The following IDUA variants were observed in gnomAD, a reference collection of about 807,000 sequenced individuals.
The protein encoded by IDUA is iduronidase alpha-L-.
A neutral mutation model predicts 68.9 loss-of-function variants in IDUA; 65 were observed. The ratio of observed to expected loss-of-function variants is 0.94; its 90% CI spans 0.77 to 1.16. The LOEUF is 1.16. Ranked by LOEUF, IDUA falls within the 50% of genes most tolerant of loss-of-function variation. The pLI is 0.00. For synonymous variants in IDUA, 529 were observed against 433.6 expected (o/e 1.22, Z -2.73); for missense variants, 1,046 against 938.0 (o/e 1.12, Z -1.50).
intron 12 of IDUA, 75 bp from the exon 13 acceptor site, chr4:1,003,937 G>C: frequency 4.9e-6 from 6 of 1,224,638 alleles, no homozygotes; most frequent in Non-Finnish European, 6.1e-6. Context: ...GTGGGTCCAC[G>C]CGGCCGTGCC....
Position 992,507 on chromosome 4 carries a change from C to T in IDUA, c.299+4558C>T, listed in dbSNP as rs1211159710. Reference sequence around the variant, plus strand: ...ACAGAATTCTGAGAATATGCCTGGACGGGGGCCCCATCAGGGCCAGCTGGG... The same window carrying T: ...ACAGAATTCTGAGAATATGCCTGGATGGGGGCCCCATCAGGGCCAGCTGGG... On this transcript the variant is annotated intron_variant, in intron 2 of 13. Transcript: ENST00000514224. Among the ~76,000 whole-genome samples the T allele has an allele frequency of 2.6e-5, 4 of 152,322 alleles. No individual in the cohort carries two copies. The East Asian group carries it at 5.8e-4, about 22-fold the overall frequency.
chr4:1,001,520 G>A lies in IDUA; in HGVS notation c.546G>A (p.Glu182=). 6.2e-7 allele frequency: 1 copy of A among 1,613,274 alleles called. No homozygotes were observed. Among genetic ancestry groups the A allele is most frequent in the Non-Finnish European group, 8.5e-7 (1 of 1,179,966 alleles). The change falls in exon 5 of 14, where the codon GAG becomes GAA. Residue 182 remains glutamate (E), a synonymous_variant. Transcript: ENST00000514224. ...AGTGGAACTTCGAGACGTGGAATGA[G>A]CCAGACCACCACGACTTTGACAACG... ...VSKWNFETWN[E]PDHHDFDNVS... is the part of the protein sequence containing the mutation.
chr4:1,001,947 T>C, intron 6 of IDUA, 35 bp from the exon 7 acceptor site: 1 of 1,572,584 alleles, frequency 6.4e-7, no homozygotes, highest in Non-Finnish European at 8.6e-7. Flanking sequence ...CGGGCCGCGC[T>C]GACCCTGGTG....
chr4:1,001,943 G>GC, intron 6 of IDUA, 39 bp from the exon 7 acceptor site: 2 of 1,570,834 alleles, frequency 1.3e-6, no homozygotes, highest in Non-Finnish European at 1.7e-6. Flanking sequence ...GCCCCGGGCC[G>GC]CGCTGACCCT....
chr4:988,604 C>A, intron 2 of IDUA: 1 of 1,375,960 alleles, frequency 7.3e-7, no homozygotes, highest in South Asian at 1.8e-5. Context: ...GCACTGTGGG[C>A]CAGCCTGTCT....
At chr4:1,002,596 G>C in intron 8 of IDUA, 111 bp downstream of exon 8, 5 of 1,216,768 alleles carry the variant, frequency 4.1e-6, no homozygotes, top group South Asian at 1.8e-5. Flanking sequence ...CGCTTCCCGG[G>C]GTCGGCCTCC....
intron 2 of IDUA, chr4:988,944 C>A: frequency 6.3e-7 from 1 of 1,597,424 alleles, no homozygotes; most frequent in East Asian, 2.3e-5. Flanking sequence ...CCCCGGGGCC[C>A]TCCCCGAGGA....
intron 2 of IDUA, among the ~76,000 whole-genome samples, chr4:998,408 G>A (rs1315624484): frequency 1.3e-5 from 2 of 152,096 alleles, no homozygotes; most frequent in Non-Finnish European, 2.9e-5. Context: ...GCCAGATTCC[G>A]GTCCATGGTG....
chr4:988,418 C>A, intron 2 of IDUA: 4 of 1,061,038 alleles, frequency 3.8e-6, no homozygotes, highest in Non-Finnish European at 4.6e-6. Context: ...TTGGCCAGAG[C>A]CGCTGGCTCC....
chr4:990,488 C>G, intron 2 of IDUA: 1 of 955,766 alleles, frequency 1.0e-6, no homozygotes, highest in South Asian at 1.7e-5. Context: ...GTTGCGGCCC[C>G]GTGTGTTCCA....
At chr4:993,524 C>G (rs1007358165) in intron 2 of IDUA, 1 of 152,264 alleles carries the variant, frequency 6.6e-6, no homozygotes, top group Non-Finnish European at 1.5e-5. Flanking sequence ...TCGGCTGATC[C>G]GGGAGTTGAA....
chr4:987,266 A>C (rs1560532045), intron 1 of IDUA, 24 bp downstream of exon 1: 1 of 1,511,262 alleles, frequency 6.6e-7, no homozygotes, highest in South Asian at 1.2e-5. Context: ...GGCCTCCGGG[A>C]CCCCCTGGCC....
At chr4:989,032 T>C in intron 2 of IDUA, 1 of 1,582,288 alleles carries the variant, frequency 6.3e-7, no homozygotes, top group Non-Finnish European at 8.6e-7. Context: ...GGCCCCGTAG[T>C]CTCGGCGCAG....
chr4:989,364 G>A lies in IDUA; in HGVS notation c.299+1415G>A. On this transcript the variant is annotated intron_variant, in intron 2 of 13. Transcript: ENST00000514224. Reference sequence around the variant, plus strand: ...CAGGGACGAGGCCCTCGAACTCTGTGGCATCCTCGTAGAAGGCCGTGTCCC... The same window carrying A: ...CAGGGACGAGGCCCTCGAACTCTGTAGCATCCTCGTAGAAGGCCGTGTCCC... 3 of 1,590,816 alleles carry A rather than the reference G, an allele frequency of 1.9e-6. No individual in the cohort carries two copies. The South Asian group carries it at 3.4e-5, about 18-fold the overall frequency.
At position 1,004,101 on chromosome 4, in the gene IDUA, T is replaced by C. The variant is rs1351296741; in HGVS notation, c.1817T>C (p.Val606Ala). ...SRKPSTFNLFVFSPDTGAVSG... is the reference protein window; with the variant it reads ...SRKPSTFNLFAFSPDTGAVSG... ...AAGCCATCGACCTTCAACCTCTTTGTGTTCAGCCCAGGTGCGCCCACCACC... is the reference window on the plus strand; with the variant it reads ...AAGCCATCGACCTTCAACCTCTTTGCGTTCAGCCCAGGTGCGCCCACCACC... Residue 606 changes from valine to alanine, a missense_variant, in exon 13 of 14, where the codon GTG (valine) becomes GCG (alanine). Transcript: ENST00000514224. The surrounding 1 kb of genome is among the most constrained non-coding windows in gnomAD (Gnocchi z 5.0). The C allele has an allele frequency of 1.2e-6, 2 of 1,612,846 alleles. No homozygotes were observed. The highest frequency in any genetic ancestry group is 3.3e-5 in the Admixed American group (2 of 59,924).
Position 989,366 on chromosome 4 carries a change from C to T in IDUA, c.299+1417C>T, listed in dbSNP as rs1203830918. The T allele has an allele frequency of 2.5e-6, 4 of 1,589,168 alleles. No homozygotes were observed. In the South Asian group the frequency reaches 3.4e-5, roughly 14 times the overall value. On this transcript the variant is annotated intron_variant, in intron 2 of 13. Transcript: ENST00000514224. ...GGGACGAGGCCCTCGAACTCTGTGG[C>T]ATCCTCGTAGAAGGCCGTGTCCCCG...
At position 1,002,131 on chromosome 4, in the gene IDUA, G is replaced by C. The variant is rs6830825; in HGVS notation, c.942G>C (p.Ala314=). 253,027 of 1,564,056 alleles carry C rather than the reference G, an allele frequency of 0.16. 22,035 individuals are homozygous for C. Among genetic ancestry groups the C allele is most frequent in the South Asian group, 0.3 (25,302 of 85,268 alleles). The change falls in exon 7 of 14, where the codon GCG becomes GCC. Residue 314 remains alanine, a synonymous_variant. Coordinates refer to ENST00000514224, the MANE Select transcript of IDUA (RefSeq NM_000203.5). ...VGWSLPQPWR[A]DVTYAAMVVK... is the part of the protein sequence containing the mutation. ...GGTCCCTGCCACAGCCGTGGAGGGCGGACGTGACCTACGCGGCCATGGTGG... is the reference window on the plus strand; with the variant it reads ...GGTCCCTGCCACAGCCGTGGAGGGCCGACGTGACCTACGCGGCCATGGTGG...
chr4:1,003,468 C>T lies in IDUA; in HGVS notation c.1648C>T (p.Gln550Ter), dbSNP rs2153022958. Residue 550 changes from glutamine (Q) to a stop codon, truncating the protein, a stop_gained and splice_region_variant, in exon 11 of 14, where the codon CAG (glutamine) becomes TAG (stop). Transcript: ENST00000514224. LOFTEE classifies it high-confidence loss of function. ...TGCGCGCCCCGAGAAGCCGCCCGGG[C>T]AGGCAAGTGGCAGTCCCCTAACCCG... ...VCARPEKPPG[Q>*]VTRLRALPLT... 6.4e-7 allele frequency: 1 copy of T among 1,569,658 alleles called. No homozygotes were observed. The highest frequency in any genetic ancestry group is 1.3e-5 in the African/African-American group (1 of 74,282).
intron 2 of IDUA, chr4:992,051 C>T (rs1577522730): frequency 1.4e-5 from 8 of 567,026 alleles, no homozygotes; most frequent in South Asian, 1.1e-4. Flanking sequence ...CCTATTGGCT[C>T]TGCGGTTCCT....
Sources: allele counts gnomAD v4.1 joint callset (sites outside exome capture counted in the v4.1 genomes callset), GRCh38; gene constraint gnomAD v4.1.1; non-coding constraint Gnocchi (gnomAD v3.1); transcripts MANE v1.5; gene names NCBI Gene and HGNC (gene_info 2026-07-23, HGNC 2026-07-21).